TEX14: variants seen among roughly 807,000 people sequenced by gnomAD.
The protein encoded by TEX14 is inactive serine/threonine-protein kinase TEX14.
A neutral mutation model predicts 178.6 loss-of-function variants in TEX14; 168 were observed. That is an observed-to-expected ratio of 0.94 (90% CI 0.83 to 1.07). TEX14 has a LOEUF of 1.07. TEX14 is among the 50% of genes least tolerant of loss of function. The probability of loss-of-function intolerance (pLI) is 0.00; values close to 1 mark genes in which losing one functional copy is unlikely to be tolerated. For missense variants in TEX14, 1,730 were observed against 1,753.6 expected (o/e 0.99, Z 0.24); for synonymous variants, 626 against 634.1 (o/e 0.99, Z 0.19).
At chr17:58,642,516 C>CATTTT (rs1221127779) in intron 2 of TEX14, among the ~76,000 whole-genome samples, 2 of 151,614 alleles carry the variant, frequency 1.3e-5, no homozygotes, top group South Asian at 2.1e-4. Flanking sequence ...TATATATATA[C>CATTTT]ATTTTATTTT....
chr17:58,647,310 T>C (rs1186774061), intron 2 of TEX14, among the ~76,000 whole-genome samples: 1 of 151,340 alleles, frequency 6.6e-6, no homozygotes. Flanking sequence ...GGTGGGCAGA[T>C]CACAAGGTCA....
intron 2 of TEX14, among the ~76,000 whole-genome samples, chr17:58,644,296 TACATA>T: frequency 6.6e-6 from 1 of 152,212 alleles, no homozygotes; most frequent in South Asian, 2.1e-4. Context: ...CCCCTACACC[TACATA>T]AAACCCTGGG....
At position 58,626,602 on chromosome 17, in the gene TEX14, C is replaced by G. The variant is rs2046149751; in HGVS notation, c.252-3590G>C. Among the ~76,000 whole-genome samples the G allele has an allele frequency of 2.2e-5, 3 of 139,502 alleles. No homozygotes were observed. In the South Asian group the frequency reaches 6.7e-4, roughly 31 times the overall value. 91.5% of individuals were successfully genotyped at this position (139,502 alleles called of 152,430 possible). A position where few individuals can be genotyped will look rare whatever the true frequency, so the allele number is the denominator to read the frequency against. On this transcript the variant is annotated intron_variant, in intron 3 of 31. Transcript: ENST00000349033. ...AAAAAAAAAAAAAAAAGCCTCCTGG[C>G]TGGGTGTGGTAGCTCACACCTAAAA...
chr17:58,659,432 G>GA (rs1432815932), intron 1 of TEX14: 2 of 463,484 alleles, frequency 4.3e-6, no homozygotes, highest in African/African-American at 4.3e-5. Flanking sequence ...ACACATCTCA[G>GA]ACTACACCTT....
Position 58,631,152 on chromosome 17 carries a change from G to C in TEX14, c.137-598C>G, listed in dbSNP as rs1044367756. ...CCTCCAGAAGACCAAAAAACACCAA[G>C]AAATACAAAAATTGAAATCCCACAA... is the stretch of plus-strand genomic sequence containing the variant. On this transcript the variant is annotated intron_variant, in intron 2 of 31. Coordinates refer to ENST00000349033, the MANE Select transcript of TEX14 (RefSeq NM_031272.5). 1.0e-5 allele frequency: 10 copies of C among 984,758 alleles called. No individual in the cohort carries two copies. In the African/African-American group the frequency reaches 1.4e-4, roughly 14 times the overall value. 61.0% of individuals were successfully genotyped at this position (984,758 alleles called of 1,614,324 possible).
chr17:58,588,020 G>T lies in TEX14; in HGVS notation c.2578C>A (p.Gln860Lys). 9.2e-7 allele frequency: 1 copy of T among 1,090,630 alleles called. No homozygotes were observed. The highest frequency in any genetic ancestry group is 1.4e-6 in the Non-Finnish European group (1 of 702,570). 67.6% of individuals were successfully genotyped at this position (1,090,630 alleles called of 1,614,324 possible). Reference protein sequence around the residue: ...ETSRIQNTSSQGRPRESTAQA... With the variant: ...ETSRIQNTSSKGRPRESTAQA... The stretch of plus-strand genomic sequence containing the variant: ...GCAGTGGACTCTCTAGGTCTTCCCT[G>T]GCTAAGAAATGAAAGGACTGAGCTA... Residue 860 changes from glutamine to lysine, a missense_variant and splice_region_variant, in exon 16 of 32, where the codon CAG becomes AAG. Gln to Lys is a moderately conservative substitution (Grantham distance 53). Transcript: ENST00000349033.
Position 58,599,632 on chromosome 17 carries a change from TAA to T in TEX14, c.1711_1712del (p.Leu571IlefsTer3). 6.2e-7 allele frequency: 1 copy of T among 1,612,716 alleles called. No individual in the cohort carries two copies. The highest frequency in any genetic ancestry group is 1.1e-5 in the South Asian group (1 of 91,052). On this transcript the variant is annotated frameshift_variant, in exon 14 of 32. Coordinates refer to ENST00000349033, the MANE Select transcript of TEX14 (RefSeq NM_031272.5). LOFTEE classifies it high-confidence loss of function. The stretch of plus-strand genomic sequence containing the variant: ...GAGGATCTAGTGTCCCCTCAGTGAA[TAA>T]AGAGTGAACCCTTGGTGAATGAGGT... Reference protein sequence around the residue: ...SQPHSPRVHSLFTEGTLDPQA... With the variant: ...SQPHSPRVHSXFTEGTLDPQA...
At chr17:58,574,621 C>G (rs527346209) in intron 21 of TEX14, among the ~76,000 whole-genome samples, 17 of 128,454 alleles carry the variant, frequency 1.3e-4, no homozygotes, top group Non-Finnish European at 2.5e-4. Context: ...TTGCAGTGAG[C>G]TGAGATCGCG....
intron 2 of TEX14, among the ~76,000 whole-genome samples, chr17:58,635,761 A>G (rs1404787774): frequency 1.3e-5 from 2 of 150,858 alleles, no homozygotes; most frequent in African/African-American, 4.9e-5. Flanking sequence ...TTTGAGACAG[A>G]GTCTCTGTCG....
At chr17:58,602,273 A>G (rs2045472237) in intron 12 of TEX14, 127 bp downstream of exon 12, 2 of 874,594 alleles carry the variant, frequency 2.3e-6, no homozygotes, top group African/African-American at 1.7e-5. Flanking sequence ...GAACACAGAA[A>G]TGGTGTAATA....
intron 3 of TEX14, among the ~76,000 whole-genome samples, chr17:58,627,769 C>CAAA (rs34691705): frequency 7.5e-5 from 5 of 66,900 alleles, no homozygotes; most frequent in Non-Finnish European, 8.1e-5. Context: ...GACTCTATCT[C>CAAA]AAAAAAAAAA....
At chr17:58,669,257 C>G (rs2143452495) in intron 1 of TEX14, among the ~76,000 whole-genome samples, 1 of 151,692 alleles carries the variant, frequency 6.6e-6, no homozygotes, top group African/African-American at 2.4e-5. Context: ...GAGGCTGAGG[C>G]AGAAGAATGG....
At chr17:58,601,123 T>C (rs2144478345) in intron 13 of TEX14, among the ~76,000 whole-genome samples, 1 of 151,824 alleles carries the variant, frequency 6.6e-6, no homozygotes, top group South Asian at 2.1e-4. Context: ...TGGTGGCTCA[T>C]GCCTGCAATC....
chr17:58,633,970 A>G (rs1461505246), intron 2 of TEX14, among the ~76,000 whole-genome samples: 1 of 87,974 alleles, frequency 1.1e-5, no homozygotes, highest in African/African-American at 3.1e-5. Context: ...CTGTCTCCGA[A>G]AAAAAAAAAA....
intron 15 of TEX14, among the ~76,000 whole-genome samples, chr17:58,592,665 A>G (rs2045181937): frequency 6.6e-6 from 1 of 151,186 alleles, no homozygotes; most frequent in Admixed American, 6.6e-5. Flanking sequence ...CCACCTCCCA[A>G]GTAGCTGGGA....
intron 1 of TEX14, among the ~76,000 whole-genome samples, chr17:58,656,751 CAAAAAAAAAA>C (rs71143264): frequency 7.7e-6 from 1 of 130,568 alleles, no homozygotes; most frequent in South Asian, 2.5e-4. Flanking sequence ...GACTCTGTCT[CAAAAAAAAAA>C]AAAAGAAAAA....
At chr17:58,607,413 A>AC (rs1295904647) in intron 10 of TEX14, among the ~76,000 whole-genome samples, 1 of 152,138 alleles carries the variant, frequency 6.6e-6, no homozygotes, top group African/African-American at 2.4e-5. Flanking sequence ...CATGGTCACC[A>AC]CTAGGCCCTG....
At chr17:58,584,270 G>T (rs926467707) in intron 19 of TEX14, among the ~76,000 whole-genome samples, 14 of 152,106 alleles carry the variant, frequency 9.2e-5, no homozygotes, top group African/African-American at 3.4e-4. Flanking sequence ...ACACTTTTCT[G>T]TACTCTCCCA....
At chr17:58,676,622 T>A (rs959539973) in intron 1 of TEX14, among the ~76,000 whole-genome samples, 12 of 152,106 alleles carry the variant, frequency 7.9e-5, no homozygotes, top group Non-Finnish European at 1.5e-4. Context: ...CTAAAGGTGA[T>A]CATTCAAAGT....
Sources: gnomAD v4.1 joint callset for allele counts (sites outside exome capture counted in the v4.1 genomes callset) on GRCh38, gnomAD v4.1.1 for gene constraint, MANE v1.5 for transcripts, NCBI Gene and HGNC (gene_info 2026-07-23, HGNC 2026-07-21) for gene names.